Variants in PRKN observed in about 807,000 individuals in gnomAD.
The protein encoded by PRKN is parkin RBR E3 ubiquitin protein ligase, also known as E3 ubiquitin-protein ligase parkin.
Under a neutral mutation model 59.5 loss-of-function variants are expected in PRKN, and 56 were observed. That is an observed-to-expected ratio of 0.94 (90% CI 0.76 to 1.18). The LOEUF is 1.18. Ranked by LOEUF, PRKN falls within the 50% of genes most tolerant of loss-of-function variation. PRKN has a pLI of 0.00. For synonymous variants in PRKN, 250 were observed against 222.1 expected (o/e 1.13, Z -1.12); for missense variants, 657 against 596.4 (o/e 1.10, Z -1.06).
intron 5 of PRKN, among the ~76,000 whole-genome samples, chr6:161,974,583 G>A (rs547169754): frequency 2.6e-5 from 4 of 151,766 alleles, no homozygotes; most frequent in Admixed American, 6.6e-5. Context: ...ACACCAAGGC[G>A]TTTGGCCAGC....
chr6:161,811,979 C>T (rs994775515), intron 6 of PRKN, among the ~76,000 whole-genome samples: 1 of 151,200 alleles, frequency 6.6e-6, no homozygotes, highest in African/African-American at 2.4e-5. Context: ...AAAAATATAA[C>T]AGACATTTTC....
intron 2 of PRKN, among the ~76,000 whole-genome samples, chr6:162,280,388 A>G (rs984940810): frequency 6.6e-6 from 1 of 152,180 alleles, no homozygotes; most frequent in Non-Finnish European, 1.5e-5. Flanking sequence ...GGTAGTGTCA[A>G]GGGGGAAATT....
chr6:162,302,773 C>G (rs1201616561), intron 2 of PRKN, among the ~76,000 whole-genome samples: 1 of 152,016 alleles, frequency 6.6e-6, no homozygotes, highest in African/African-American at 2.4e-5. Flanking sequence ...CTTTAAGACT[C>G]TAGATATGTG....
chr6:162,626,071 G>A (rs568056465), intron 1 of PRKN, among the ~76,000 whole-genome samples: 142 of 152,218 alleles, frequency 9.3e-4, no homozygotes, highest in African/African-American at 3.3e-3. Flanking sequence ...AAATACAATA[G>A]GTATCGCTGG....
intron 2 of PRKN, 127 bp from the exon 3 acceptor site, chr6:162,262,892 A>T: frequency 4.1e-6 from 5 of 1,208,238 alleles, no homozygotes; most frequent in Non-Finnish European, 5.8e-6. Flanking sequence ...TGACCAACTT[A>T]GGTGCTCCTT....
At chr6:161,674,644 T>TA in intron 7 of PRKN, among the ~76,000 whole-genome samples, 1 of 152,330 alleles carries the variant, frequency 6.6e-6, no homozygotes, top group African/African-American at 2.4e-5. Context: ...GTTGGGCTTC[T>TA]AATGTACCCA....
intron 2 of PRKN, among the ~76,000 whole-genome samples, chr6:162,346,453 CAA>C (rs1554302783): frequency 2.6e-4 from 13 of 50,642 alleles, no homozygotes; most frequent in Admixed American, 4.5e-4. Flanking sequence ...TCTGTCTCTA[CAA>C]AAAAAAAAAA....
chr6:161,658,324 A>G (rs1310765184), intron 7 of PRKN, among the ~76,000 whole-genome samples: 1 of 152,214 alleles, frequency 6.6e-6, no homozygotes, highest in African/African-American at 2.4e-5. Flanking sequence ...ATGAGATCGC[A>G]TCACCTTTCA....
intron 7 of PRKN, among the ~76,000 whole-genome samples, chr6:161,683,445 T>C (rs1785444765): frequency 6.6e-6 from 1 of 152,246 alleles, no homozygotes; most frequent in Admixed American, 6.5e-5. Flanking sequence ...TAGGCATCTC[T>C]GGGACTCCTT....
At chr6:162,576,810 CAAAAA>C (rs573857313) in intron 1 of PRKN, among the ~76,000 whole-genome samples, 2 of 92,380 alleles carry the variant, frequency 2.2e-5, no homozygotes, top group African/African-American at 4.2e-5. Flanking sequence ...GAGACTCCGT[CAAAAA>C]AAAAAAAAAA....
chr6:162,230,304 C>T (rs183815533), intron 3 of PRKN, among the ~76,000 whole-genome samples: 103 of 152,324 alleles, frequency 6.8e-4, no homozygotes, highest in Non-Finnish European at 1.2e-3. Flanking sequence ...ACAACAGTGA[C>T]GGTTCACAGA....
chr6:162,556,864 G>A (rs1159274608), intron 1 of PRKN, among the ~76,000 whole-genome samples: 2 of 152,036 alleles, frequency 1.3e-5, no homozygotes, highest in African/African-American at 2.4e-5. Context: ...CCCAGCAGAG[G>A]GCAAGGCAGC....
At chr6:161,387,871 A>G (rs939063564) in intron 9 of PRKN, among the ~76,000 whole-genome samples, 9 of 152,148 alleles carry the variant, frequency 5.9e-5, no homozygotes, top group Non-Finnish European at 1.3e-4. Context: ...TCCTTACAAG[A>G]TGAGGAGATT....
At chr6:162,557,243 TG>T (rs1779644726) in intron 1 of PRKN, among the ~76,000 whole-genome samples, 1 of 152,226 alleles carries the variant, frequency 6.6e-6, no homozygotes, top group Non-Finnish European at 1.5e-5. Context: ...GTATTCTGGC[TG>T]GGCCAGCTGT....
chr6:162,591,270 G>A (rs535604692), intron 1 of PRKN, among the ~76,000 whole-genome samples: 1 of 151,900 alleles, frequency 6.6e-6, no homozygotes, highest in African/African-American at 2.4e-5. Flanking sequence ...TTCTTTATAG[G>A]TACATTTTTG....
intron 1 of PRKN, among the ~76,000 whole-genome samples, chr6:162,709,703 A>G (rs1210441235): frequency 6.6e-6 from 1 of 152,206 alleles, no homozygotes; most frequent in African/African-American, 2.4e-5. Context: ...GTAACTGGCT[A>G]AAATGTATGA....
At chr6:161,680,944 T>C (rs953743396) in intron 7 of PRKN, among the ~76,000 whole-genome samples, 21 of 151,490 alleles carry the variant, frequency 1.4e-4, no homozygotes, top group Non-Finnish European at 2.7e-4. Context: ...AATAGGTTTT[T>C]GAGTTTTTAA....
chr6:162,250,770 T>C (rs1399799902), intron 3 of PRKN, among the ~76,000 whole-genome samples: 1 of 152,240 alleles, frequency 6.6e-6, no homozygotes, highest in Non-Finnish European at 1.5e-5. Flanking sequence ...CTACTAGGGC[T>C]ATTTGGTTAC....
rs1196917180 is a variant in PRKN at position 161,518,886 on chromosome 6, T to C, written c.1083+29968A>G. On this transcript the variant is annotated intron_variant, in intron 9 of 11. Transcript: ENST00000366898. This position sits in a 1 kb window ranked among gnomAD's most constrained non-coding sequence, Gnocchi z 5.0. ...CAGAGAGCAGCCCTCCACACCAATG[T>C]CAGGGAGAGGAAGGCTGAGCACAAG... 6.6e-6 allele frequency among the ~76,000 whole-genome samples: 1 copy of C among 152,150 alleles called. No individual in the cohort carries two copies. Among genetic ancestry groups the C allele is most frequent in the African/African-American group, 2.4e-5 (1 of 41,432 alleles).
Sources: gnomAD v4.1 joint callset for allele counts (sites outside exome capture counted in the v4.1 genomes callset) on GRCh38, gnomAD v4.1.1 for gene constraint, Gnocchi (gnomAD v3.1) non-coding constraint, MANE v1.5 for transcripts, NCBI Gene and HGNC (gene_info 2026-07-23, HGNC 2026-07-21) for gene names.